CAMKMT: variants seen among roughly 807,000 people sequenced by gnomAD.
CAMKMT encodes the protein CaM KMT.
Under a neutral mutation model 48.0 loss-of-function variants are expected in CAMKMT, and 53 were observed. The observed-to-expected ratio is 1.10, with a 90% CI of 0.89 to 1.39. CAMKMT has a LOEUF of 1.39. Among genes scored for constraint, CAMKMT ranks in the 40% most tolerant of loss-of-function variants. The pLI, the probability that CAMKMT is intolerant of heterozygous loss-of-function variation, is 0.00. For missense variants in CAMKMT, 428 were observed against 402.7 expected (o/e 1.06, Z -0.54); for synonymous variants, 165 against 152.3 (o/e 1.08, Z -0.61).
chr2:44,711,130 C>T (rs1158658370), intron 6 of CAMKMT, among the ~76,000 whole-genome samples: 3 of 152,160 alleles, frequency 2.0e-5, no homozygotes, highest in Admixed American at 6.5e-5. Flanking sequence ...GTTAATAACA[C>T]GGAAATCCCG....
At chr2:44,650,124 A>G (rs1673974479) in intron 3 of CAMKMT, among the ~76,000 whole-genome samples, 1 of 152,208 alleles carries the variant, frequency 6.6e-6, no homozygotes, top group Non-Finnish European at 1.5e-5. Flanking sequence ...ATTCTTTCAC[A>G]GTTCTGGAGG....
At chr2:44,736,868 C>A (rs557341085) in intron 7 of CAMKMT, among the ~76,000 whole-genome samples, 3 of 152,248 alleles carry the variant, frequency 2.0e-5, no homozygotes, top group East Asian at 3.9e-4. Flanking sequence ...AAAGGTATCT[C>A]CCATGTCTCT....
At chr2:44,442,285 G>T (rs1666714390) in intron 3 of CAMKMT, among the ~76,000 whole-genome samples, 1 of 151,980 alleles carries the variant, frequency 6.6e-6, no homozygotes, top group Non-Finnish European at 1.5e-5. Flanking sequence ...AAGAGCAATG[G>T]TTATCATTTC....
intron 3 of CAMKMT, among the ~76,000 whole-genome samples, chr2:44,562,351 A>G (rs1388413286): frequency 6.6e-6 from 1 of 152,222 alleles, no homozygotes; most frequent in Non-Finnish European, 1.5e-5. Context: ...AATTATTATT[A>G]CAACAGAAGC....
At chr2:44,363,202 A>G (rs1202554100) in intron 1 of CAMKMT, among the ~76,000 whole-genome samples, 2 of 152,240 alleles carry the variant, frequency 1.3e-5, no homozygotes, top group African/African-American at 2.4e-5. Context: ...TTTCCAGACC[A>G]GTAATGATCT....
rs184064437 is a variant in CAMKMT at position 44,600,694 on chromosome 2, G to C, written c.377-103589G>C. ...TACAGACACACACGCATATGTGTCTGTGCACACAAACTGTTCCTAGGTTGT... is the reference window on the plus strand; with the variant it reads ...TACAGACACACACGCATATGTGTCTCTGCACACAAACTGTTCCTAGGTTGT... On this transcript the variant is annotated intron_variant, in intron 3 of 10. Coordinates refer to ENST00000378494, the MANE Select transcript of CAMKMT (RefSeq NM_024766.5). Among the ~76,000 whole-genome samples, 329 of 152,234 alleles carry C rather than the reference G, an allele frequency of 2.2e-3. 1 individual carries two copies. Among genetic ancestry groups the C allele is most frequent in the Non-Finnish European group, 2.1e-3 (145 of 68,032 alleles).
chr2:44,704,353 T>C lies in CAMKMT; in HGVS notation c.437+10T>C, dbSNP rs369618707. 2.0e-5 allele frequency: 31 copies of C among 1,551,294 alleles called. No individual in the cohort carries two copies. In the Middle Eastern group the frequency reaches 5.1e-4, roughly 26 times the overall value. ...ACAATAATATATTCAGGTACAGAGC[T>C]GCACTTAAGATATTTTTTAGCCCAT... On this transcript the variant is annotated intron_variant, in intron 4 of 10. Coordinates refer to ENST00000378494, the MANE Select transcript of CAMKMT (RefSeq NM_024766.5).
chr2:44,481,757 C>T (rs576207163), intron 3 of CAMKMT, among the ~76,000 whole-genome samples: 1 of 152,068 alleles, frequency 6.6e-6, no homozygotes, highest in South Asian at 2.1e-4. Flanking sequence ...TTTGATGAAT[C>T]AGATACTATC....
intron 3 of CAMKMT, among the ~76,000 whole-genome samples, chr2:44,592,560 A>C (rs371221476): frequency 2.0e-5 from 3 of 152,210 alleles, no homozygotes; most frequent in African/African-American, 7.2e-5. Flanking sequence ...TGCAAGACCA[A>C]CGATGCTGGC....
chr2:44,418,400 A>C (rs1456667820), intron 3 of CAMKMT, among the ~76,000 whole-genome samples: 1 of 152,000 alleles, frequency 6.6e-6, no homozygotes, highest in Admixed American at 6.6e-5. Context: ...ATATATACAT[A>C]TAACATGAGG....
intron 9 of CAMKMT, among the ~76,000 whole-genome samples, chr2:44,763,178 T>C (rs751335176): frequency 1.3e-5 from 2 of 152,110 alleles, no homozygotes; most frequent in Admixed American, 1.3e-4. Context: ...ATCCTAACTA[T>C]TAATCCACCT....
intron 3 of CAMKMT, among the ~76,000 whole-genome samples, chr2:44,667,662 A>AC (rs1010095590): frequency 6.6e-6 from 1 of 151,564 alleles, no homozygotes; most frequent in Non-Finnish European, 1.5e-5. Flanking sequence ...TTAGCTACCT[A>AC]CCCCCGCAGT....
chr2:44,507,992 A>G (rs1670347160), intron 3 of CAMKMT, among the ~76,000 whole-genome samples: 1 of 152,242 alleles, frequency 6.6e-6, no homozygotes, highest in Non-Finnish European at 1.5e-5. Flanking sequence ...TCTGTGGTGA[A>G]GGACTTTTAT....
chr2:44,521,444 A>C (rs55769253), intron 3 of CAMKMT, among the ~76,000 whole-genome samples: 6,235 of 152,080 alleles, frequency 0.041, 192 homozygotes, highest in Non-Finnish European at 0.066. Flanking sequence ...ACACCTGGCC[A>C]ATGTTTTGTA....
At chr2:44,622,771 A>G (rs1672270279) in intron 3 of CAMKMT, among the ~76,000 whole-genome samples, 1 of 152,222 alleles carries the variant, frequency 6.6e-6, no homozygotes, top group Non-Finnish European at 1.5e-5. Context: ...TGTCTTTGCC[A>G]CTGTGAATAG....
intron 3 of CAMKMT, among the ~76,000 whole-genome samples, chr2:44,701,556 A>G (rs1328361856): frequency 6.6e-6 from 1 of 152,174 alleles, no homozygotes; most frequent in Non-Finnish European, 1.5e-5. Flanking sequence ...CCCATTTCCT[A>G]GTATTTGACC....
intron 3 of CAMKMT, among the ~76,000 whole-genome samples, chr2:44,667,423 C>G (rs767053148): frequency 6.6e-6 from 1 of 152,200 alleles, no homozygotes; most frequent in Non-Finnish European, 1.5e-5. Flanking sequence ...TTGCCACCTT[C>G]ACACATTTCT....
intron 3 of CAMKMT, among the ~76,000 whole-genome samples, chr2:44,473,962 A>G (rs1668553088): frequency 1.3e-5 from 2 of 152,316 alleles, no homozygotes; most frequent in South Asian, 4.1e-4. Context: ...TCCAAATTGA[A>G]TACTACTAAG....
intron 3 of CAMKMT, among the ~76,000 whole-genome samples, chr2:44,674,345 C>T (rs975905132): frequency 2.0e-5 from 3 of 152,164 alleles, no homozygotes; most frequent in African/African-American, 4.8e-5. Flanking sequence ...TCTGTTAACC[C>T]ATCTGTCTCC....
Sources: allele counts gnomAD v4.1 joint callset (sites outside exome capture counted in the v4.1 genomes callset), GRCh38; gene constraint gnomAD v4.1.1; transcripts MANE v1.5; gene names NCBI Gene and HGNC (gene_info 2026-07-23, HGNC 2026-07-21).